TNPO3: variants seen among roughly 807,000 people sequenced by gnomAD.
The protein encoded by TNPO3 is transportin-3.
TNPO3 carries 65 observed loss-of-function variants against 122.8 expected under a neutral mutation model. That is an observed-to-expected ratio of 0.53 (90% CI 0.43 to 0.65). The LOEUF is 0.65. Ranked by LOEUF, TNPO3 falls within the 30% of genes least tolerant of loss-of-function variation. The probability of loss-of-function intolerance (pLI) is 0.00; values close to 1 mark genes in which losing one functional copy is unlikely to be tolerated. For synonymous variants in TNPO3, 372 were observed against 411.2 expected, an observed-to-expected ratio of 0.90 and a Z score of 1.15; for missense variants, 850 against 1,136.7, an observed-to-expected ratio of 0.75 and a Z score of 3.63.
chr7:129,040,779 T>G (rs1476650612), intron 1 of TNPO3, among the ~76,000 whole-genome samples: 1 of 152,144 alleles, frequency 6.6e-6, no homozygotes, highest in Non-Finnish European at 1.5e-5. Flanking sequence ...TGCAAATGTA[T>G]CAAGTAGAAG....
At chr7:129,038,915 C>G (rs1159622891) in intron 1 of TNPO3, among the ~76,000 whole-genome samples, 1 of 152,162 alleles carries the variant, frequency 6.6e-6, no homozygotes. Flanking sequence ...ATCTGTACAA[C>G]AAACCCCTAT....
At chr7:129,053,440 A>G (rs1809044599) in intron 1 of TNPO3, among the ~76,000 whole-genome samples, 1 of 147,722 alleles carries the variant, frequency 6.8e-6, no homozygotes, top group African/African-American at 2.5e-5. Context: ...GGTTGCAGTG[A>G]GCTGAGATGG....
intron 21 of TNPO3, among the ~76,000 whole-genome samples, chr7:128,965,237 C>A (rs1472003545): frequency 6.6e-6 from 1 of 152,160 alleles, no homozygotes; most frequent in Admixed American, 6.5e-5. Context: ...TGCAACTATA[C>A]AACAAAAGAA....
intron 4 of TNPO3, 52 bp downstream of exon 4, chr7:129,014,927 C>A: frequency 3.3e-6 from 5 of 1,510,722 alleles, no homozygotes; most frequent in South Asian, 1.3e-5. Flanking sequence ...ACAAAATAAC[C>A]GCCATGGCTT....
At chr7:129,054,525 A>G (rs1228040566) in intron 1 of TNPO3, 126 bp downstream of exon 1, 2 of 1,445,864 alleles carry the variant, frequency 1.4e-6, no homozygotes, top group Non-Finnish European at 1.8e-6. Context: ...GCCCCACCCC[A>G]CGACAGCAGC....
chr7:128,986,495 C>T (rs1335555341), intron 12 of TNPO3, among the ~76,000 whole-genome samples: 8 of 152,166 alleles, frequency 5.3e-5, no homozygotes, highest in Non-Finnish European at 1.0e-4. Context: ...TAGGTCGGTG[C>T]TATATATACC....
At position 128,975,660 on chromosome 7, in the gene TNPO3, GAAC is replaced by G. The variant is rs3830639; in HGVS notation, c.2178+156_2178+158del. Among the ~76,000 whole-genome samples the G allele has an allele frequency of 0.044, 6,728 of 152,254 alleles. 205 individuals carry two copies. Among genetic ancestry groups the G allele is most frequent in the Middle Eastern group, 0.1 (30 of 294 alleles). On this transcript the variant is annotated intron_variant, in intron 17 of 22. Transcript: ENST00000265388. ...ATTCTCTCAAACAGGCCTGTTCAGA[GAAC>G]AACTGGGAAGCTTCCACCTCCCTGT...
intron 14 of TNPO3, 92 bp downstream of exon 14, chr7:128,982,156 A>C (rs1563092684): frequency 9.3e-7 from 1 of 1,077,852 alleles, no homozygotes; most frequent in Non-Finnish European, 1.4e-6. Context: ...GATACTTGGA[A>C]GTATGAGGAA....
rs139182178 is a variant in TNPO3 at position 128,970,037 on chromosome 7, G to A, written c.2598+111C>T. ...TAATTTGGCAATATGCCTAAATTTG[G>A]TTCCATGGACAGAAAACAGGGCTAG... On this transcript the variant is annotated intron_variant, in intron 20 of 22. Coordinates refer to ENST00000265388, the MANE Select transcript of TNPO3 (RefSeq NM_012470.4). 14 of 1,327,164 alleles carry A rather than the reference G, an allele frequency of 1.1e-5. No homozygotes were observed. The African/African-American group carries it at 1.9e-4, about 18-fold the overall frequency. The allele number at this position is 1,327,164 out of a possible 1,614,324, so 82.2% of individuals were successfully genotyped here. A position where few individuals can be genotyped will look rare whatever the true frequency, so the allele number is the denominator to read the frequency against.
intron 18 of TNPO3, among the ~76,000 whole-genome samples, chr7:128,972,964 C>T (rs1345231941): frequency 6.6e-6 from 1 of 151,920 alleles, no homozygotes; most frequent in Non-Finnish European, 1.5e-5. Flanking sequence ...ATGGGAGCAA[C>T]TTTTCACTCA....
rs1168229973 is a variant in TNPO3 at position 129,054,689 on chromosome 7, C to T, written c.82G>A (p.Glu28Lys). The change falls in exon 1 of 23, where the codon GAG (glutamate) becomes AAG (lysine). Residue 28 changes from glutamate (E) to lysine (K), a missense_variant. Glu to Lys is a moderately conservative substitution (Grantham distance 56). Transcript: ENST00000265388. ...LYHDPDPSGK[E>K]RASFWLGELQ... ...TCCCCAAGCCAAAAAGAGGCGCGCT[C>T]CTTTCCGCTGGGATCTGGGTCGTGG... 6.2e-7 allele frequency: 1 copy of T among 1,614,208 alleles called. No individual in the cohort carries two copies. Among genetic ancestry groups the T allele is most frequent in the African/African-American group, 1.3e-5 (1 of 75,070 alleles).
intron 1 of TNPO3, among the ~76,000 whole-genome samples, chr7:129,053,597 A>G (rs1809077431): frequency 6.6e-6 from 1 of 151,932 alleles, no homozygotes; most frequent in Non-Finnish European, 1.5e-5. Context: ...GCAGCCTAGG[A>G]GCTGATTTAA....
intron 1 of TNPO3, among the ~76,000 whole-genome samples, chr7:129,035,716 T>C (rs893190734): frequency 2.0e-5 from 3 of 152,196 alleles, no homozygotes; most frequent in Non-Finnish European, 1.5e-5. Context: ...CTAAAATAAC[T>C]GATGTCTTAA....
chr7:129,043,829 T>C (rs745586156), intron 1 of TNPO3, among the ~76,000 whole-genome samples: 4 of 152,176 alleles, frequency 2.6e-5, no homozygotes, highest in Non-Finnish European at 5.9e-5. Context: ...GCTTTAAAAA[T>C]AGAAAATGCC....
At chr7:129,018,488 C>T (rs1011810557) in intron 1 of TNPO3, among the ~76,000 whole-genome samples, 1 of 152,152 alleles carries the variant, frequency 6.6e-6, no homozygotes, top group East Asian at 1.9e-4. Flanking sequence ...ACTAAAATGT[C>T]ACTGTATAAT....
At chr7:129,017,890 A>T in intron 2 of TNPO3, 67 bp downstream of exon 2, 1 of 1,508,294 alleles carries the variant, frequency 6.6e-7, no homozygotes, top group Non-Finnish European at 9.2e-7. Flanking sequence ...TAGCAATACG[A>T]ATTAAAACAA....
Position 128,975,094 on chromosome 7 carries a change from T to C in TNPO3, c.2179-132A>G. The C allele has an allele frequency of 7.3e-6, 5 of 685,410 alleles. No individual in the cohort carries two copies. The South Asian group carries it at 9.6e-5, about 13-fold the overall frequency. The allele number at this position is 685,410 out of a possible 1,614,324, so 42.5% of individuals were successfully genotyped here. The stretch of plus-strand genomic sequence containing the variant: ...AGCACAGCTGGGAAAAGAAAAAGAT[T>C]GTAATGAGAATCTGATCAGGAAAAG... On this transcript the variant is annotated intron_variant, in intron 17 of 22. Coordinates refer to ENST00000265388, the MANE Select transcript of TNPO3 (RefSeq NM_012470.4).
Position 128,989,940 on chromosome 7 carries a change from G to C in TNPO3, c.1498+21C>G, listed in dbSNP as rs569464472. 5.0e-5 allele frequency: 80 copies of C among 1,603,640 alleles called. No individual in the cohort carries two copies. In the South Asian group the frequency reaches 8.6e-4, roughly 17 times the overall value. On this transcript the variant is annotated intron_variant, in intron 11 of 22. Transcript: ENST00000265388. ...GAAAAATGACAAGTTAGAAGTGGCA[G>C]AGGAGAGAGATTACACATACCAAGG...
chr7:129,014,956 C>T (rs1584573480), intron 4 of TNPO3, 23 bp downstream of exon 4: 1 of 1,548,374 alleles, frequency 6.5e-7, no homozygotes, highest in East Asian at 2.4e-5. Flanking sequence ...TATGCAGCAA[C>T]TTAGTATTTC....
Sources: allele counts gnomAD v4.1 joint callset (sites outside exome capture counted in the v4.1 genomes callset), GRCh38; gene constraint gnomAD v4.1.1; transcripts MANE v1.5; gene names NCBI Gene and HGNC (gene_info 2026-07-23, HGNC 2026-07-21).